The following GALNT13 variants were observed in gnomAD, a reference collection of about 807,000 sequenced individuals.
GALNT13 encodes the protein polypeptide N-acetylgalactosaminyltransferase 13, also known as UDP-GalNAc:polypeptide N-acetylgalactosaminyltransferase 13.
A neutral mutation model predicts 64.2 loss-of-function variants in GALNT13; 28 were observed. The observed-to-expected ratio is 0.44, with a 90% CI of 0.32 to 0.60. GALNT13 has a LOEUF of 0.60. Among genes scored for constraint, GALNT13 ranks in the 20% least tolerant of loss-of-function variants. The probability of loss-of-function intolerance (pLI) is 0.05; values close to 1 mark genes in which losing one functional copy is unlikely to be tolerated. For missense variants in GALNT13, 577 were observed against 669.8 expected, an observed-to-expected ratio of 0.86 and a Z score of 1.53; for synonymous variants, 214 against 224.6, an observed-to-expected ratio of 0.95 and a Z score of 0.42.
chr2:153,747,569 G>A, the GALNT13 span, among the ~76,000 whole-genome samples: 8 of 151,144 alleles, frequency 5.3e-5, no homozygotes, highest in South Asian at 2.1e-4. Context: ...CTGGGATTAC[G>A]GGTGCACGCC....
chr2:153,227,007 T>C, the GALNT13 span, among the ~76,000 whole-genome samples: 1 of 152,182 alleles, frequency 6.6e-6, no homozygotes, highest in Non-Finnish European at 1.5e-5. Context: ...TATTTTTTTC[T>C]TGAAGGAGAG....
At chr2:154,159,897 G>A (rs1573777218) in intron 4 of GALNT13, among the ~76,000 whole-genome samples, 1 of 152,080 alleles carries the variant, frequency 6.6e-6, no homozygotes. Flanking sequence ...AGCAACTACC[G>A]AGTGCCCTAG....
At chr2:154,327,054 CAAGG>C (rs1171009236) in intron 9 of GALNT13, among the ~76,000 whole-genome samples, 1 of 152,180 alleles carries the variant, frequency 6.6e-6, no homozygotes, top group East Asian at 1.9e-4. Flanking sequence ...CCCCACAGGT[CAAGG>C]AAGGGACCAG....
chr2:153,887,663 G>A (rs1214337936), intron 1 of GALNT13, among the ~76,000 whole-genome samples: 2 of 151,918 alleles, frequency 1.3e-5, no homozygotes, highest in African/African-American at 4.8e-5. Flanking sequence ...TGAGAACAAG[G>A]TTGATATCTT....
the GALNT13 span, among the ~76,000 whole-genome samples, chr2:153,112,565 C>T: frequency 1.3e-5 from 2 of 152,034 alleles, no homozygotes; most frequent in Non-Finnish European, 2.9e-5. Context: ...TCTCACATAC[C>T]AGAATGGTGT....
chr2:153,367,338 G>T, the GALNT13 span, among the ~76,000 whole-genome samples: 1 of 152,034 alleles, frequency 6.6e-6, no homozygotes, highest in Admixed American at 6.6e-5. Flanking sequence ...GAAGCAGTAT[G>T]ACATGATTTG....
chr2:153,347,415 A>G, the GALNT13 span, among the ~76,000 whole-genome samples: 1 of 152,216 alleles, frequency 6.6e-6, no homozygotes, highest in East Asian at 1.9e-4. Context: ...CACTTAAGTC[A>G]CAAATCCAAA....
the GALNT13 span, among the ~76,000 whole-genome samples, chr2:153,859,175 G>A: frequency 4.1e-4 from 62 of 152,216 alleles, no homozygotes; most frequent in Non-Finnish European, 8.2e-4. Flanking sequence ...CTCTTGGTCC[G>A]GTTAGCTTCT....
intron 3 of GALNT13, among the ~76,000 whole-genome samples, chr2:154,126,150 CT>C (rs1359973097): frequency 6.6e-6 from 1 of 152,138 alleles, no homozygotes; most frequent in Non-Finnish European, 1.5e-5. Flanking sequence ...TTTCATCAAT[CT>C]ACTTTTTCCC....
At chr2:154,354,569 A>T (rs1300092579) in intron 9 of GALNT13, among the ~76,000 whole-genome samples, 2 of 150,178 alleles carry the variant, frequency 1.3e-5, no homozygotes, top group African/African-American at 4.9e-5. Flanking sequence ...TCCTTTGTTC[A>T]TTTTGAGTTA....
At chr2:153,558,799 A>G in the GALNT13 span, among the ~76,000 whole-genome samples, 3 of 152,222 alleles carry the variant, frequency 2.0e-5, no homozygotes, top group Non-Finnish European at 4.4e-5. Flanking sequence ...CTGAAAAATC[A>G]TAAACTCTTA....
chr2:154,096,236 A>G (rs1164197707), intron 3 of GALNT13, among the ~76,000 whole-genome samples: 1 of 151,652 alleles, frequency 6.6e-6, no homozygotes, highest in Admixed American at 6.6e-5. Context: ...CCCATCACCA[A>G]CTCCATTACT....
chr2:153,273,785 A>C, the GALNT13 span, among the ~76,000 whole-genome samples: 1 of 152,194 alleles, frequency 6.6e-6, no homozygotes, highest in Non-Finnish European at 1.5e-5. Flanking sequence ...ATCAAATGTC[A>C]TATCTGTTGG....
At chr2:153,324,565 C>T in the GALNT13 span, among the ~76,000 whole-genome samples, 2 of 151,184 alleles carry the variant, frequency 1.3e-5, no homozygotes, top group Non-Finnish European at 3.0e-5. Flanking sequence ...CATCCTTCGT[C>T]TTTTGCCGGT....
At chr2:153,882,404 T>C (rs546928011) in intron 1 of GALNT13, among the ~76,000 whole-genome samples, 50 of 152,266 alleles carry the variant, frequency 3.3e-4, no homozygotes, top group African/African-American at 1.2e-3. Context: ...AGTAAGTTTT[T>C]CTCACTCACT....
chr2:153,601,163 CTT>C, the GALNT13 span, among the ~76,000 whole-genome samples: 3 of 141,112 alleles, frequency 2.1e-5, no homozygotes, highest in Admixed American at 7.1e-5. Flanking sequence ...ATTTAGTAGG[CTT>C]TTTTTTTTTG....
intron 8 of GALNT13, among the ~76,000 whole-genome samples, chr2:154,272,542 A>T (rs1400636923): frequency 6.6e-6 from 1 of 152,120 alleles, no homozygotes; most frequent in Non-Finnish European, 1.5e-5. Context: ...GATCCCAAAC[A>T]TAAAGGACTT....
chr2:153,703,443 T>C, the GALNT13 span, among the ~76,000 whole-genome samples: 1 of 152,156 alleles, frequency 6.6e-6, no homozygotes, highest in Non-Finnish European at 1.5e-5. Context: ...ATGTAAATTT[T>C]TCTTCTATTT....
At chr2:153,978,372 C>T (rs1043595235) in intron 3 of GALNT13, among the ~76,000 whole-genome samples, 7 of 152,074 alleles carry the variant, frequency 4.6e-5, no homozygotes, top group Non-Finnish European at 8.8e-5. Flanking sequence ...CTTTGTTTTG[C>T]GTGACCTTTG....
Sources: allele counts gnomAD v4.1 joint callset (sites outside exome capture counted in the v4.1 genomes callset), GRCh38; gene constraint gnomAD v4.1.1; transcripts MANE v1.5; gene names NCBI Gene and HGNC (gene_info 2026-07-23, HGNC 2026-07-21).